PRKN: variants seen among roughly 807,000 people sequenced by gnomAD.
The protein encoded by PRKN is parkin RBR E3 ubiquitin protein ligase, also known as E3 ubiquitin-protein ligase parkin.
A neutral mutation model predicts 59.5 loss-of-function variants in PRKN; 56 were observed. The ratio of observed to expected loss-of-function variants is 0.94; its 90% CI spans 0.76 to 1.18. The LOEUF is 1.18. Among genes scored for constraint, PRKN ranks in the 50% most tolerant of loss-of-function variants. The probability of loss-of-function intolerance (pLI) is 0.00; values close to 1 mark genes in which losing one functional copy is unlikely to be tolerated. For missense variants in PRKN, 657 were observed against 596.4 expected (o/e 1.10, Z -1.06); for synonymous variants, 250 against 222.1 (o/e 1.13, Z -1.12).
intron 9 of PRKN, among the ~76,000 whole-genome samples, chr6:161,394,740 C>T (rs147329075): frequency 6.6e-6 from 1 of 152,214 alleles, no homozygotes; most frequent in African/African-American, 2.4e-5. Context: ...AGAAAAGACC[C>T]ACTGAGCTTA....
rs1039397039 is a variant in PRKN, at chr6:161,554,631, A to G, written c.934-5628T>C. ...TGGCTGCATAAAAAATCTTTATATTATACATAAAAAGAATATATGGAATTA... is the reference window on the plus strand; with the variant it reads ...TGGCTGCATAAAAAATCTTTATATTGTACATAAAAAGAATATATGGAATTA... On this transcript the variant is annotated intron_variant, in intron 8 of 11. Transcript: ENST00000366898. This position sits in a 1 kb window ranked among gnomAD's most constrained non-coding sequence, Gnocchi z 4.5. Among the ~76,000 whole-genome samples, 3 of 151,822 alleles carry G rather than the reference A, an allele frequency of 2.0e-5. No homozygotes were observed. Among genetic ancestry groups the G allele is most frequent in the Non-Finnish European group, 4.4e-5 (3 of 67,952 alleles).
chr6:162,443,514 C>A, intron 1 of PRKN, 41 bp from the exon 2 acceptor site: 1 of 1,592,452 alleles, frequency 6.3e-7, no homozygotes, highest in South Asian at 1.1e-5. Flanking sequence ...AAGTGAGCAT[C>A]ACTCGAAGCC....
At position 161,549,161 on chromosome 6, in the gene PRKN, C is replaced by T. The variant is rs148786996; in HGVS notation, c.934-158G>A. 9.6e-3 allele frequency among the ~76,000 whole-genome samples: 1,455 copies of T among 151,726 alleles called. 30 individuals are homozygous for T. The highest frequency in any genetic ancestry group is 0.034 in the African/African-American group (1,387 of 41,332). ...GTGTGTAGGGGGAGGGAGAGGGCCA[C>T]GGGGTTGATAGGGGAGGACGAATAT... On this transcript the variant is annotated intron_variant, in intron 8 of 11. Transcript: ENST00000366898. The surrounding 1 kb of genome is among the most constrained non-coding windows in gnomAD (Gnocchi z 6.0).
intron 9 of PRKN, among the ~76,000 whole-genome samples, chr6:161,408,140 T>C (rs1787361461): frequency 1.3e-5 from 2 of 152,180 alleles, no homozygotes; most frequent in Non-Finnish European, 2.9e-5. Context: ...TAGGAATTTT[T>C]CTTTTTAGAG....
At chr6:161,664,627 T>C (rs759105563) in intron 7 of PRKN, among the ~76,000 whole-genome samples, 8 of 152,214 alleles carry the variant, frequency 5.3e-5, no homozygotes, top group Non-Finnish European at 1.2e-4. Context: ...AAAGCCTATA[T>C]GCTGGCTTGT....
intron 6 of PRKN, among the ~76,000 whole-genome samples, chr6:161,882,429 G>A (rs1794972576): frequency 6.6e-6 from 1 of 152,136 alleles, no homozygotes; most frequent in Non-Finnish European, 1.5e-5. Flanking sequence ...CGCCTCCCCA[G>A]CCCAGGCGGC....
intron 1 of PRKN, among the ~76,000 whole-genome samples, chr6:162,670,631 G>T (rs746569136): frequency 1.6e-4 from 24 of 152,100 alleles, no homozygotes; most frequent in Non-Finnish European, 2.9e-4. Flanking sequence ...AAAGAATGCT[G>T]GGACCTGAAT....
chr6:162,443,890 C>T (rs1448247834), intron 1 of PRKN, among the ~76,000 whole-genome samples: 1 of 144,372 alleles, frequency 6.9e-6, no homozygotes, highest in Non-Finnish European at 1.5e-5. Context: ...TGTTAGCACT[C>T]AAGGTATAGC....
At chr6:162,006,235 C>G (rs1782248383) in intron 5 of PRKN, among the ~76,000 whole-genome samples, 2 of 152,142 alleles carry the variant, frequency 1.3e-5, no homozygotes, top group South Asian at 4.1e-4. Flanking sequence ...ACTGACAATT[C>G]CTGGGACTTT....
intron 4 of PRKN, among the ~76,000 whole-genome samples, chr6:162,084,848 T>C (rs1359958682): frequency 1.3e-5 from 2 of 151,906 alleles, no homozygotes; most frequent in Non-Finnish European, 2.9e-5. Context: ...TAGGTAATGA[T>C]AATATAGAAG....
intron 1 of PRKN, among the ~76,000 whole-genome samples, chr6:162,549,633 G>A (rs1456577912): frequency 2.3e-5 from 3 of 132,244 alleles, no homozygotes; most frequent in Admixed American, 9.1e-5. Flanking sequence ...AATAGAATGC[G>A]ATAATCTTTT....
chr6:162,186,701 T>C (rs1784047793), intron 4 of PRKN, among the ~76,000 whole-genome samples: 3 of 152,204 alleles, frequency 2.0e-5, no homozygotes, highest in Admixed American at 6.5e-5. Context: ...ATCCCTCTGG[T>C]GCTGTTCTTG....
Position 162,407,485 on chromosome 6 carries a change from T to C in PRKN, c.171+35825A>G, listed in dbSNP as rs984677205. On this transcript the variant is annotated intron_variant, in intron 2 of 11. Transcript: ENST00000366898. ...TGTCAAGTTCATTGTAGCAGATGTG[T>C]CAACTGAAGATCACTACCCATTAAA... 5.3e-5 allele frequency among the ~76,000 whole-genome samples: 8 copies of C among 152,208 alleles called. No homozygotes were observed. In the South Asian group the frequency reaches 1.7e-3, roughly 31 times the overall value.
intron 7 of PRKN, among the ~76,000 whole-genome samples, chr6:161,623,717 T>G (rs1047969079): frequency 2.5e-4 from 38 of 152,210 alleles, no homozygotes; most frequent in Admixed American, 2.3e-3. Flanking sequence ...ATTTTCCTAA[T>G]GATTTTATGA....
intron 1 of PRKN, among the ~76,000 whole-genome samples, chr6:162,469,610 T>C (rs375127110): frequency 9.1e-4 from 139 of 152,126 alleles, no homozygotes; most frequent in African/African-American, 3.3e-3. Context: ...ATGATTCTTC[T>C]AAGTGAAGTA....
intron 6 of PRKN, among the ~76,000 whole-genome samples, chr6:161,949,894 C>G (rs528612371): frequency 6.6e-6 from 1 of 152,318 alleles, no homozygotes; most frequent in South Asian, 2.1e-4. Flanking sequence ...AACTGGTGGT[C>G]AGTGGCTTAC....
At chr6:162,117,994 G>T (rs1376806656) in intron 4 of PRKN, among the ~76,000 whole-genome samples, 5 of 152,174 alleles carry the variant, frequency 3.3e-5, no homozygotes, top group Non-Finnish European at 5.9e-5. Flanking sequence ...TAATTGGGAG[G>T]CTGAGGCAGG....
intron 1 of PRKN, among the ~76,000 whole-genome samples, chr6:162,531,743 G>A (rs1778524532): frequency 6.6e-6 from 1 of 152,066 alleles, no homozygotes; most frequent in Non-Finnish European, 1.5e-5. Context: ...TGTCGCTAAT[G>A]GTAGTCCTAC....
chr6:162,235,934 G>T (rs1311126391), intron 3 of PRKN, among the ~76,000 whole-genome samples: 1 of 87,994 alleles, frequency 1.1e-5, no homozygotes, highest in African/African-American at 6.7e-5. Context: ...AGGAAGGAAG[G>T]AAGGAAGGAA....
Sources: allele counts gnomAD v4.1 joint callset (sites outside exome capture counted in the v4.1 genomes callset), GRCh38; gene constraint gnomAD v4.1.1; non-coding constraint Gnocchi (gnomAD v3.1); transcripts MANE v1.5; gene names NCBI Gene and HGNC (gene_info 2026-07-23, HGNC 2026-07-21).